Variants in FMNL2 observed in about 807,000 individuals in gnomAD.
FMNL2 encodes the protein formin-like protein 2.
FMNL2 carries 51 observed loss-of-function variants against 130.2 expected under a neutral mutation model. The ratio of observed to expected loss-of-function variants is 0.39; its 90% CI spans 0.31 to 0.49. The LOEUF is 0.49. Among genes scored for constraint, FMNL2 ranks in the 20% least tolerant of loss-of-function variants. The pLI is 0.85. For synonymous variants in FMNL2, 465 were observed against 467.1 expected (o/e 1.00, Z 0.06); for missense variants, 977 against 1,316.2 (o/e 0.74, Z 3.99).
At chr2:152,582,260 G>A (rs943448184) in intron 9 of FMNL2, among the ~76,000 whole-genome samples, 3 of 152,112 alleles carry the variant, frequency 2.0e-5, no homozygotes, top group African/African-American at 4.8e-5. Context: ...ACAGGACTTC[G>A]GAGCTATTTC....
intron 1 of FMNL2, among the ~76,000 whole-genome samples, chr2:152,473,990 T>C (rs1689997047): frequency 6.6e-6 from 1 of 152,216 alleles, no homozygotes; most frequent in Admixed American, 6.5e-5. Context: ...TTTTCCTGCC[T>C]CAGCCACCTG....
chr2:152,573,568 A>C (rs961964679), intron 6 of FMNL2, among the ~76,000 whole-genome samples: 1 of 152,232 alleles, frequency 6.6e-6, no homozygotes, highest in Non-Finnish European at 1.5e-5. Context: ...GGATTAGAGT[A>C]AATGATACCA....
intron 25 of FMNL2, chr2:152,643,603 A>C (rs1450975922): frequency 7.9e-6 from 12 of 1,515,900 alleles, no homozygotes; most frequent in South Asian, 4.9e-5. Flanking sequence ...AGGGCCCACC[A>C]ACATGCTAGC....
intron 1 of FMNL2, among the ~76,000 whole-genome samples, chr2:152,501,864 A>T (rs892409737): frequency 6.6e-6 from 1 of 152,212 alleles, no homozygotes; most frequent in African/African-American, 2.4e-5. Flanking sequence ...TCCAGTGTAC[A>T]CTTTGAATGT....
At chr2:152,368,605 A>C (rs1261099851) in intron 1 of FMNL2, among the ~76,000 whole-genome samples, 5 of 152,162 alleles carry the variant, frequency 3.3e-5, no homozygotes, top group Non-Finnish European at 1.5e-5. Flanking sequence ...TTGGTACTTC[A>C]GGCTAATTTT....
At chr2:152,623,897 A>G (rs903248927) in intron 15 of FMNL2, among the ~76,000 whole-genome samples, 4 of 151,716 alleles carry the variant, frequency 2.6e-5, no homozygotes, top group African/African-American at 9.7e-5. Flanking sequence ...CATTCTCTCT[A>G]TTAAGAGGTT....
At chr2:152,563,178 A>G (rs1695629888) in intron 6 of FMNL2, among the ~76,000 whole-genome samples, 1 of 152,212 alleles carries the variant, frequency 6.6e-6, no homozygotes, top group Non-Finnish European at 1.5e-5. Flanking sequence ...AAGTCAGACC[A>G]AAAGCATGCA....
chr2:152,546,762 A>T (rs1694663300), intron 3 of FMNL2, among the ~76,000 whole-genome samples: 1 of 152,130 alleles, frequency 6.6e-6, no homozygotes, highest in South Asian at 2.1e-4. Flanking sequence ...TGGTTGCCTT[A>T]GCTGTGTGAC....
chr2:152,361,874 G>T (rs1349742131), intron 1 of FMNL2, among the ~76,000 whole-genome samples: 1 of 152,160 alleles, frequency 6.6e-6, no homozygotes, highest in Non-Finnish European at 1.5e-5. Flanking sequence ...ACTCATTTTA[G>T]TCTTGTTACT....
chr2:152,585,081 C>T (rs1223107048), intron 9 of FMNL2, among the ~76,000 whole-genome samples: 3 of 152,194 alleles, frequency 2.0e-5, no homozygotes, highest in African/African-American at 7.2e-5. Context: ...TGGTTTGTGA[C>T]ATGCCTGAAA....
intron 2 of FMNL2, among the ~76,000 whole-genome samples, chr2:152,524,474 G>A (rs1415189541): frequency 6.6e-6 from 1 of 152,176 alleles, no homozygotes; most frequent in Admixed American, 6.5e-5. Flanking sequence ...GCAGTGAGGT[G>A]TATCCCAGCG....
At chr2:152,607,006 G>GTTTTTTTTTTTTTTTTTTTTTTTTTTTT (rs58237890) in intron 9 of FMNL2, among the ~76,000 whole-genome samples, 1 of 84,850 alleles carries the variant, frequency 1.2e-5, no homozygotes, top group Non-Finnish European at 2.4e-5. Context: ...TTTTTTTTTT[G>GTTTTTTTTTTTTTTTTTTTTTTTTTTTT]TTTTTTTTTT....
chr2:152,456,821 C>T (rs1688984012), intron 1 of FMNL2, among the ~76,000 whole-genome samples: 1 of 151,682 alleles, frequency 6.6e-6, no homozygotes, highest in South Asian at 2.1e-4. Context: ...ACCTGTAGTC[C>T]CAGCTACTCA....
At chr2:152,390,020 T>A in intron 1 of FMNL2, 1 of 1,581,732 alleles carries the variant, frequency 6.3e-7, no homozygotes, top group Admixed American at 1.7e-5. Flanking sequence ...AGAAAAAGGA[T>A]GCAGAGAATC....
intron 1 of FMNL2, among the ~76,000 whole-genome samples, chr2:152,520,070 T>A (rs1692998356): frequency 6.6e-6 from 1 of 152,108 alleles, no homozygotes; most frequent in Non-Finnish European, 1.5e-5. Context: ...CTTTGCCTTA[T>A]CCCAGGAGTT....
chr2:152,566,028 G>T (rs1056602729), intron 6 of FMNL2, among the ~76,000 whole-genome samples: 1 of 152,124 alleles, frequency 6.6e-6, no homozygotes, highest in African/African-American at 2.4e-5. Flanking sequence ...CAGTCCTCCT[G>T]CTCAGCTTCT....
intron 12 of FMNL2, among the ~76,000 whole-genome samples, chr2:152,615,271 C>A (rs1698887139): frequency 6.6e-6 from 1 of 152,032 alleles, no homozygotes; most frequent in African/African-American, 2.4e-5. Flanking sequence ...CTTACAGGCT[C>A]AAGCAGAGTG....
chr2:152,358,233 C>T (rs1215457993), intron 1 of FMNL2, among the ~76,000 whole-genome samples: 1 of 152,226 alleles, frequency 6.6e-6, no homozygotes, highest in Non-Finnish European at 1.5e-5. Context: ...CATTTGGCCA[C>T]AGACTGAGGC....
intron 2 of FMNL2, among the ~76,000 whole-genome samples, chr2:152,538,481 C>G (rs1399914561): frequency 1.3e-5 from 2 of 152,062 alleles, no homozygotes; most frequent in Non-Finnish European, 2.9e-5. Flanking sequence ...GGTTTCACCA[C>G]GTTGGCCAGG....
Sources: gnomAD v4.1 joint callset for allele counts (sites outside exome capture counted in the v4.1 genomes callset) on GRCh38, gnomAD v4.1.1 for gene constraint, MANE v1.5 for transcripts, NCBI Gene and HGNC (gene_info 2026-07-23, HGNC 2026-07-21) for gene names.